The following ALS2 variants were observed in gnomAD, a reference collection of about 807,000 sequenced individuals.
ALS2 encodes the protein alsin.
A neutral mutation model predicts 203.4 loss-of-function variants in ALS2; 117 were observed. That is an observed-to-expected ratio of 0.58 (90% CI 0.50 to 0.67). The LOEUF (loss-of-function observed/expected upper bound fraction) is 0.67. Ranked by LOEUF, ALS2 falls within the 30% of genes least tolerant of loss-of-function variation. The pLI, the probability that ALS2 is intolerant of heterozygous loss-of-function variation, is 0.00. For missense variants in ALS2, 1,715 were observed against 1,989.4 expected (o/e 0.86, Z 2.62); for synonymous variants, 718 against 725.9 (o/e 0.99, Z 0.17).
chr2:201,722,641 C>A, intron 23 of ALS2: 1 of 168,878 alleles, frequency 5.9e-6, no homozygotes, highest in South Asian at 1.5e-4. Context: ...ACTATTCAGC[C>A]ATAAAAAGGA....
In ALS2 at chr2:201,711,090, A is replaced by C; in HGVS notation, c.4023T>G (p.Arg1341=). ...AACTCTCTAGTGTCTGAGTCTGTGA[A>C]CGACTCAGTATTTCTGGACTATAAA... is the stretch of plus-strand genomic sequence containing the variant. The part of the protein sequence containing the change: ...QHRDSPEILS[R]SQTQTLESLE... The change falls in exon 26 of 34, where the codon CGT becomes CGG. Residue 1341 remains arginine, a synonymous_variant. Transcript: ENST00000264276. The C allele has an allele frequency of 6.2e-7, 1 of 1,604,452 alleles. No homozygotes were observed.
intron 12 of ALS2, among the ~76,000 whole-genome samples, chr2:201,737,819 G>A (rs1056601763): frequency 3.9e-5 from 6 of 152,096 alleles, no homozygotes; most frequent in Admixed American, 1.3e-4. Flanking sequence ...CTACTTGGGA[G>A]GCTGAGGCAG....
In ALS2 at chr2:201,727,400, C is replaced by T. The variant is rs1691253148; in HGVS notation, c.2913-122G>A. ...GAACAGAAATCAATTAATGTAAATG[C>T]TTGCTTGGTTTTGGGCGCCACCACG... is the stretch of plus-strand genomic sequence containing the variant. On this transcript the variant is annotated intron_variant, in intron 16 of 33. Transcript: ENST00000264276. 4.2e-6 allele frequency: 4 copies of T among 944,396 alleles called. No individual in the cohort carries two copies. In the East Asian group the frequency reaches 1.0e-4, roughly 24 times the overall value. The allele number at this position is 944,396 out of a possible 1,614,324, so 58.5% of individuals were successfully genotyped here.
chr2:201,707,797 G>C, intron 28 of ALS2, 72 bp downstream of exon 28: 1 of 1,569,452 alleles, frequency 6.4e-7, no homozygotes, highest in Non-Finnish European at 8.7e-7. Flanking sequence ...ACACTTTCTC[G>C]CTGGGACTCT....
Position 201,742,035 on chromosome 2 carries a change from G to A in ALS2, c.2171-181C>T, listed in dbSNP as rs114803685. On this transcript the variant is annotated intron_variant, in intron 10 of 33. Transcript: ENST00000264276. ...CAAAGATCACAGTATCCAGTCCTTT[G>A]AGGAACTTGTTAAAAACACATTCAC... Among the ~76,000 whole-genome samples, 2,067 of 152,236 alleles carry A rather than the reference G, an allele frequency of 0.014. 40 individuals are homozygous for A. The highest frequency in any genetic ancestry group is 0.047 in the African/African-American group (1,947 of 41,558).
intron 6 of ALS2, 52 bp from the exon 7 acceptor site, chr2:201,753,294 C>T (rs771356434): frequency 1.3e-5 from 18 of 1,438,646 alleles, no homozygotes; most frequent in Admixed American, 5.0e-5. Context: ...CAGCAAGAAT[C>T]GTAGCCTTTC....
chr2:201,757,903 T>C, intron 4 of ALS2, 144 bp from the exon 5 acceptor site: 1 of 654,544 alleles, frequency 1.5e-6, no homozygotes, highest in South Asian at 2.1e-5. Context: ...CAACTAAAGG[T>C]ATTCTCTTCT....
At chr2:201,705,084 T>G in intron 31 of ALS2, 55 bp downstream of exon 31, 1 of 1,523,346 alleles carries the variant, frequency 6.6e-7, no homozygotes, top group Non-Finnish European at 9.1e-7. Flanking sequence ...AATAATATCT[T>G]AATAGACCAA....
chr2:201,769,971 ATCAT>A (rs1694299336), intron 1 of ALS2, among the ~76,000 whole-genome samples: 1 of 152,238 alleles, frequency 6.6e-6, no homozygotes, highest in Non-Finnish European at 1.5e-5. Flanking sequence ...AAGATTATGA[ATCAT>A]TCAAAGTTGG....
intron 13 of ALS2, 74 bp from the exon 14 acceptor site, chr2:201,729,257 C>T: frequency 6.6e-7 from 1 of 1,507,962 alleles, no homozygotes; most frequent in Non-Finnish European, 9.0e-7. Flanking sequence ...TAGCCTCAGT[C>T]TGCCTTAGAC....
In ALS2 at chr2:201,706,835, A is replaced by G. The variant is rs2105967339; in HGVS notation, c.4580+11T>C. 6.2e-7 allele frequency: 1 copy of G among 1,613,934 alleles called. No homozygotes were observed. The highest frequency in any genetic ancestry group is 8.5e-7 in the Non-Finnish European group (1 of 1,179,900). ...AAACCATTTGGTTGCGCTTGTAACT[A>G]CTACACTTACCTCTGCACCCCAAGA... is the stretch of plus-strand genomic sequence containing the variant. On this transcript the variant is annotated intron_variant, in intron 29 of 33. Transcript: ENST00000264276.
At chr2:201,770,429 T>C (rs2106108199) in intron 1 of ALS2, among the ~76,000 whole-genome samples, 1 of 145,440 alleles carries the variant, frequency 6.9e-6, no homozygotes, top group East Asian at 2.0e-4. Flanking sequence ...CCTTACTCAA[T>C]ATTATTTATC....
At chr2:201,770,321 C>A (rs1477280868) in intron 1 of ALS2, among the ~76,000 whole-genome samples, 2 of 152,302 alleles carry the variant, frequency 1.3e-5, no homozygotes, top group Middle Eastern at 3.4e-3. Context: ...TACTAACAAT[C>A]AAAAATGTTG....
intron 1 of ALS2, among the ~76,000 whole-genome samples, chr2:201,779,706 C>T (rs192941655): frequency 7.6e-4 from 116 of 152,246 alleles, no homozygotes; most frequent in Middle Eastern, 3.4e-3. Flanking sequence ...TTTTTATCCC[C>T]AATTTAGAGA....
At chr2:201,754,825 A>C (rs1163575892) in intron 5 of ALS2, among the ~76,000 whole-genome samples, 154 bp from the exon 6 acceptor site, 1 of 152,236 alleles carries the variant, frequency 6.6e-6, no homozygotes, top group Non-Finnish European at 1.5e-5. Flanking sequence ...GGGACCTGTT[A>C]GTCAAATGAA....
intron 3 of ALS2, 24 bp from the exon 4 acceptor site, chr2:201,761,842 A>AG (rs770886488): frequency 1.2e-6 from 2 of 1,611,668 alleles, no homozygotes; most frequent in Non-Finnish European, 1.7e-6. Flanking sequence ...AAAAGAAAAA[A>AG]GAAAAAAAAA....
intron 4 of ALS2, chr2:201,759,841 T>G (rs1693650810): frequency 2.0e-6 from 2 of 985,174 alleles, no homozygotes; most frequent in African/African-American, 3.5e-5. Flanking sequence ...ATGAGTATGA[T>G]CTTTTGTTTT....
chr2:201,771,458 G>A (rs1482779933), intron 1 of ALS2, among the ~76,000 whole-genome samples: 1 of 152,150 alleles, frequency 6.6e-6, no homozygotes, highest in Non-Finnish European at 1.5e-5. Flanking sequence ...ACTGATTGCT[G>A]AGGAAACATA....
intron 21 of ALS2, among the ~76,000 whole-genome samples, 174 bp downstream of exon 21, chr2:201,724,121 A>C (rs865889434): frequency 6.6e-6 from 1 of 152,310 alleles, no homozygotes; most frequent in South Asian, 2.1e-4. Flanking sequence ...TCAAAAAATA[A>C]AAAAGTAAAT....
Sources: allele counts gnomAD v4.1 joint callset (sites outside exome capture counted in the v4.1 genomes callset), GRCh38; gene constraint gnomAD v4.1.1; transcripts MANE v1.5; gene names NCBI Gene and HGNC (gene_info 2026-07-23, HGNC 2026-07-21).